The following NFIA variants were observed in gnomAD, a reference collection of about 807,000 sequenced individuals.
NFIA encodes the protein nuclear factor 1 A-type.
Under a neutral mutation model 62.8 loss-of-function variants are expected in NFIA, and 8 were observed. That is an observed-to-expected ratio of 0.13 (90% confidence interval 0.07 to 0.23). The LOEUF (loss-of-function observed/expected upper bound fraction) is 0.23, where lower values mean the gene tolerates loss of function less well. NFIA is among the 10% of genes least tolerant of loss of function. The pLI is 1.00. For synonymous variants in NFIA, 235 were observed against 238.1 expected, an observed-to-expected ratio of 0.99 and a Z score of 0.12; for missense variants, 410 against 642.1, an observed-to-expected ratio of 0.64 and a Z score of 3.91.
rs748026405 is a variant in NFIA at position 61,306,294 on chromosome 1, T to TTTTTTTA, written c.626-26218_626-26217insTTTTTTA. Reference sequence around the variant, plus strand: ...CTTTTTTTTTTTTTTTTTTTTTTTTTAAGACAGAGTCTCACTCTGTCATCC... The same window carrying TTTTTTTA: ...CTTTTTTTTTTTTTTTTTTTTTTTTTTTTTTTAAAGACAGAGTCTCACTCTGTCATCC... On this transcript the variant is annotated intron_variant, in intron 3 of 10. Coordinates refer to ENST00000403491, the MANE Select transcript of NFIA (RefSeq NM_001134673.4). 9.1e-4 allele frequency among the ~76,000 whole-genome samples: 100 copies of TTTTTTTA among 109,682 alleles called. 1 individual carries two copies. The highest frequency in any genetic ancestry group is 6.0e-3 in the Middle Eastern group (1 of 166). 72.0% of individuals were successfully genotyped at this position (109,682 alleles called of 152,430 possible). A position where few individuals can be genotyped will look rare whatever the true frequency, so the allele number is the denominator to read the frequency against.
At chr1:61,166,913 G>A (rs1034939760) in intron 2 of NFIA, among the ~76,000 whole-genome samples, 4 of 152,306 alleles carry the variant, frequency 2.6e-5, no homozygotes, top group South Asian at 2.1e-4. Context: ...AGGCCAAGGC[G>A]GGCGGATCAC....
At chr1:61,368,767 A>G (rs1663732860) in intron 6 of NFIA, among the ~76,000 whole-genome samples, 1 of 152,238 alleles carries the variant, frequency 6.6e-6, no homozygotes, top group South Asian at 2.1e-4. Context: ...AATACTTTGA[A>G]AACCCTAAAC....
intron 2 of NFIA, among the ~76,000 whole-genome samples, chr1:61,269,173 C>T (rs1449685114): frequency 7.4e-6 from 1 of 135,234 alleles, no homozygotes; most frequent in Non-Finnish European, 1.6e-5. Flanking sequence ...ACAAGAAAAG[C>T]AAAAAGAAAA....
chr1:61,215,251 A>C (rs1653541823), intron 2 of NFIA, among the ~76,000 whole-genome samples: 1 of 152,184 alleles, frequency 6.6e-6, no homozygotes, highest in Non-Finnish European at 1.5e-5. Flanking sequence ...CTTTCATGCA[A>C]CTTACAAGAA....
intron 7 of NFIA, among the ~76,000 whole-genome samples, chr1:61,393,639 G>A (rs2100504252): frequency 6.6e-6 from 1 of 152,238 alleles, no homozygotes; most frequent in East Asian, 1.9e-4. Context: ...CATGGAGTCA[G>A]CGGGTTAAGT....
chr1:61,364,632 T>C (rs1246594482), intron 6 of NFIA, among the ~76,000 whole-genome samples: 1 of 152,214 alleles, frequency 6.6e-6, no homozygotes, highest in Non-Finnish European at 1.5e-5. Flanking sequence ...AGTGTGTTCC[T>C]TTAAGTGAAT....
chr1:61,301,676 A>G (rs903757092), intron 3 of NFIA, among the ~76,000 whole-genome samples: 1 of 152,194 alleles, frequency 6.6e-6, no homozygotes, highest in African/African-American at 2.4e-5. Flanking sequence ...ATTTAACAGT[A>G]TAATGTCTAT....
At position 61,447,812 on chromosome 1, in the gene NFIA, C is replaced by T. The variant is rs138401516; in HGVS notation, c.1513-7491C>T. ...CTGCCGTGTCCACGGGGGTCTCCGG[C>T]TCCCAGAGTCGTGCTTCATTAGAAC... On this transcript the variant is annotated intron_variant, in intron 10 of 10. Transcript: ENST00000403491. Among the ~76,000 whole-genome samples the T allele has an allele frequency of 3.3e-5, 5 of 152,258 alleles. No homozygotes were observed. The East Asian group carries it at 9.7e-4, about 29-fold the overall frequency.
intron 2 of NFIA, among the ~76,000 whole-genome samples, chr1:61,255,785 G>A (rs570046955): frequency 2.0e-4 from 30 of 152,234 alleles, no homozygotes; most frequent in Non-Finnish European, 3.2e-4. Flanking sequence ...CACCTCACAC[G>A]GGATCATAGG....
chr1:61,226,214 G>C (rs1371888160), intron 2 of NFIA, among the ~76,000 whole-genome samples: 3 of 152,174 alleles, frequency 2.0e-5, no homozygotes, highest in African/African-American at 7.2e-5. Flanking sequence ...TGCTGTCGAC[G>C]TTAAGCAGCC....
intron 2 of NFIA, among the ~76,000 whole-genome samples, chr1:61,217,857 C>G (rs1043036537): frequency 1.3e-5 from 2 of 152,196 alleles, no homozygotes; most frequent in African/African-American, 4.8e-5. Flanking sequence ...GGACTTTGGG[C>G]AGGCTGCTTA....
At chr1:61,446,911 G>A (rs1032698015) in intron 10 of NFIA, among the ~76,000 whole-genome samples, 5 of 152,094 alleles carry the variant, frequency 3.3e-5, no homozygotes, top group African/African-American at 7.2e-5. Flanking sequence ...GCTGAGCTCC[G>A]GCCTCCACTC....
chr1:61,162,221 G>C (rs1649262220), intron 2 of NFIA, among the ~76,000 whole-genome samples: 1 of 152,128 alleles, frequency 6.6e-6, no homozygotes. Flanking sequence ...AGCCCCTAGA[G>C]CGAGGAGTCA....
chr1:61,252,907 A>T (rs1311577714), intron 2 of NFIA, among the ~76,000 whole-genome samples: 1 of 152,198 alleles, frequency 6.6e-6, no homozygotes, highest in African/African-American at 2.4e-5. Context: ...TACTCTTTAC[A>T]GAGTTTTAGA....
intron 2 of NFIA, among the ~76,000 whole-genome samples, chr1:61,119,945 A>C (rs917853421): frequency 6.6e-6 from 1 of 152,166 alleles, no homozygotes; most frequent in Non-Finnish European, 1.5e-5. Context: ...TTGAAGGAAG[A>C]AGTTTGCATA....
chr1:61,447,127 C>CA (rs556654997), intron 10 of NFIA, among the ~76,000 whole-genome samples: 11 of 151,562 alleles, frequency 7.3e-5, no homozygotes, highest in African/African-American at 2.2e-4. Flanking sequence ...CTCCCCCTGC[C>CA]AAAAAAATTT....
intron 2 of NFIA, among the ~76,000 whole-genome samples, chr1:61,193,599 GT>G (rs1218170473): frequency 6.6e-6 from 1 of 152,140 alleles, no homozygotes; most frequent in Admixed American, 6.5e-5. Flanking sequence ...TTCTGCAAAT[GT>G]TTTTTCCATT....
intron 2 of NFIA, among the ~76,000 whole-genome samples, chr1:61,162,950 T>C (rs1437443332): frequency 1.3e-5 from 2 of 151,758 alleles, no homozygotes; most frequent in Admixed American, 6.6e-5. Context: ...AAGTGAAAAA[T>C]GTATTGGGAG....
intron 10 of NFIA, among the ~76,000 whole-genome samples, chr1:61,445,315 A>G (rs1050128222): frequency 1.3e-5 from 2 of 152,230 alleles, no homozygotes; most frequent in Non-Finnish European, 1.5e-5. Flanking sequence ...ACAAATCCCA[A>G]CCGCAGCCCC....
Sources: gnomAD v4.1 joint callset for allele counts (sites outside exome capture counted in the v4.1 genomes callset) on GRCh38, gnomAD v4.1.1 for gene constraint, MANE v1.5 for transcripts, NCBI Gene and HGNC (gene_info 2026-07-23, HGNC 2026-07-21) for gene names.